Variants in UNC5D observed in about 807,000 individuals in gnomAD.
UNC5D encodes the protein unc-5 netrin receptor D, also known as netrin receptor UNC5D.
In UNC5D, 39 loss-of-function variants were observed where a neutral mutation model predicts 105.4. The ratio of observed to expected loss-of-function variants is 0.37; its 90% confidence interval spans 0.29 to 0.48. The LOEUF (loss-of-function observed/expected upper bound fraction) is 0.48, where lower values mean the gene tolerates loss of function less well. UNC5D is among the 20% of genes least tolerant of loss of function. The pLI, the probability that UNC5D is intolerant of heterozygous loss-of-function variation, is 0.98. For synonymous variants in UNC5D, 452 were observed against 450.4 expected (o/e 1.00, Z -0.04); for missense variants, 991 against 1,202.4 (o/e 0.82, Z 2.60).
chr8:35,410,177 G>A (rs1477220558), intron 1 of UNC5D, among the ~76,000 whole-genome samples: 6 of 151,942 alleles, frequency 3.9e-5, no homozygotes, highest in African/African-American at 9.7e-5. Context: ...TGTCTGGTAC[G>A]TAGTAAGCAT....
chr8:35,560,445 A>G (rs1385111019), intron 2 of UNC5D, among the ~76,000 whole-genome samples: 1 of 152,226 alleles, frequency 6.6e-6, no homozygotes, highest in East Asian at 1.9e-4. Context: ...GTACTATTAC[A>G]TATGTGTATA....
intron 1 of UNC5D, among the ~76,000 whole-genome samples, chr8:35,276,171 G>A: frequency 6.6e-6 from 1 of 152,106 alleles, no homozygotes; most frequent in East Asian, 1.9e-4. Flanking sequence ...CAGTAAAGAG[G>A]TTTACACTGA....
intron 4 of UNC5D, among the ~76,000 whole-genome samples, chr8:35,664,085 T>C (rs1824275912): frequency 6.6e-6 from 1 of 152,200 alleles, no homozygotes; most frequent in Admixed American, 6.5e-5. Flanking sequence ...CTTCTGATGT[T>C]TGTGTACTCC....
At chr8:35,714,001 T>C (rs977732177) in intron 8 of UNC5D, among the ~76,000 whole-genome samples, 7 of 152,228 alleles carry the variant, frequency 4.6e-5, no homozygotes, top group Non-Finnish European at 1.0e-4. Flanking sequence ...AGGGTGACTG[T>C]ACTAGAACAG....
chr8:35,620,199 A>G (rs914654399), intron 4 of UNC5D, among the ~76,000 whole-genome samples: 1 of 152,226 alleles, frequency 6.6e-6, no homozygotes, highest in East Asian at 1.9e-4. Flanking sequence ...TACTTGATCC[A>G]CATTCTCCCT....
intron 1 of UNC5D, among the ~76,000 whole-genome samples, chr8:35,436,089 G>A (rs1242581515): frequency 6.6e-6 from 1 of 151,952 alleles, no homozygotes; most frequent in East Asian, 1.9e-4. Context: ...ATTATTCTGT[G>A]ACTTCAATTT....
intron 4 of UNC5D, among the ~76,000 whole-genome samples, chr8:35,666,853 CTG>C (rs1824456836): frequency 1.3e-5 from 2 of 152,142 alleles, no homozygotes; most frequent in East Asian, 3.9e-4. Flanking sequence ...AAATTTCCCT[CTG>C]TGGATTTAGA....
chr8:35,461,129 T>C (rs1364323861), intron 1 of UNC5D, among the ~76,000 whole-genome samples: 1 of 152,236 alleles, frequency 6.6e-6, no homozygotes, highest in East Asian at 1.9e-4. Context: ...CCAATATTGC[T>C]GATGCGGGAT....
chr8:35,707,483 AT>A, intron 8 of UNC5D, among the ~76,000 whole-genome samples: 1 of 152,274 alleles, frequency 6.6e-6, no homozygotes, highest in Non-Finnish European at 1.5e-5. Context: ...GTTCATGTGT[AT>A]GGGCATTGAG....
intron 1 of UNC5D, among the ~76,000 whole-genome samples, chr8:35,418,020 A>T (rs531579020): frequency 6.6e-6 from 1 of 152,302 alleles, no homozygotes; most frequent in African/African-American, 2.4e-5. Flanking sequence ...AATCAGGTTG[A>T]GTCCATTCAT....
At chr8:35,660,917 C>A (rs1249039007) in intron 4 of UNC5D, among the ~76,000 whole-genome samples, 1 of 151,986 alleles carries the variant, frequency 6.6e-6, no homozygotes. Flanking sequence ...CATAGTGAGA[C>A]CCCTTCTCTA....
chr8:35,636,447 C>A (rs931189149), intron 4 of UNC5D, among the ~76,000 whole-genome samples: 4 of 152,172 alleles, frequency 2.6e-5, no homozygotes, highest in African/African-American at 9.6e-5. Flanking sequence ...CCACTGGGTG[C>A]CTGTAGAACT....
intron 1 of UNC5D, among the ~76,000 whole-genome samples, chr8:35,465,768 A>G (rs1003445690): frequency 2.6e-5 from 4 of 152,140 alleles, no homozygotes; most frequent in Non-Finnish European, 5.9e-5. Flanking sequence ...TAGGAAGAGG[A>G]TCTGGATTTC....
intron 4 of UNC5D, among the ~76,000 whole-genome samples, chr8:35,676,396 G>A (rs554717846): frequency 6.6e-6 from 1 of 152,282 alleles, no homozygotes; most frequent in Non-Finnish European, 1.5e-5. Context: ...GTTCATCCGA[G>A]GGGTGAATGC....
At chr8:35,680,333 C>G (rs2131323799) in intron 4 of UNC5D, among the ~76,000 whole-genome samples, 1 of 152,272 alleles carries the variant, frequency 6.6e-6, no homozygotes, top group East Asian at 1.9e-4. Context: ...ACATATTGCT[C>G]TAACTTCTAA....
intron 1 of UNC5D, among the ~76,000 whole-genome samples, chr8:35,334,793 C>T (rs1810896885): frequency 6.6e-6 from 1 of 152,138 alleles, no homozygotes; most frequent in African/African-American, 2.4e-5. Context: ...GGATTACAGG[C>T]ATGAGCCACC....
intron 3 of UNC5D, among the ~76,000 whole-genome samples, chr8:35,584,824 A>T (rs373950552): frequency 6.6e-6 from 1 of 152,088 alleles, no homozygotes; most frequent in African/African-American, 2.4e-5. Context: ...TGTGTTTCTT[A>T]TTCTTCAAGC....
At chr8:35,338,402 G>GGT (rs776392271) in intron 1 of UNC5D, among the ~76,000 whole-genome samples, 50 of 151,732 alleles carry the variant, frequency 3.3e-4, no homozygotes, top group African/African-American at 1.1e-3. Flanking sequence ...GTTTTTCTGG[G>GGT]GTGTGTGTGT....
At chr8:35,313,986 TC>T (rs1160708377) in intron 1 of UNC5D, among the ~76,000 whole-genome samples, 1 of 152,184 alleles carries the variant, frequency 6.6e-6, no homozygotes, top group Non-Finnish European at 1.5e-5. Flanking sequence ...AAGAAAGGTG[TC>T]AGGAGAATGG....
Sources: allele counts gnomAD v4.1 joint callset (sites outside exome capture counted in the v4.1 genomes callset), GRCh38; gene constraint gnomAD v4.1.1; transcripts MANE v1.5; gene names NCBI Gene and HGNC (gene_info 2026-07-23, HGNC 2026-07-21).